Variants in SPAG9 observed in about 807,000 individuals in gnomAD.
The protein encoded by SPAG9 is C-Jun-amino-terminal kinase-interacting protein 4.
A neutral mutation model predicts 166.5 loss-of-function variants in SPAG9; 35 were observed. That is an observed-to-expected ratio of 0.21 (90% CI 0.16 to 0.28). The LOEUF is 0.28. Ranked by LOEUF, SPAG9 falls within the 10% of genes least tolerant of loss-of-function variation. The pLI, the probability that SPAG9 is intolerant of heterozygous loss-of-function variation, is 1.00. For missense variants in SPAG9, 1,235 were observed against 1,603.3 expected, an observed-to-expected ratio of 0.77 and a Z score of 3.92; for synonymous variants, 534 against 565.5, an observed-to-expected ratio of 0.94 and a Z score of 0.79.
At chr17:51,012,841 G>A (rs531032701) in intron 9 of SPAG9, among the ~76,000 whole-genome samples, 6 of 151,266 alleles carry the variant, frequency 4.0e-5, no homozygotes, top group East Asian at 2.0e-4. Context: ...TCTGCCTCCC[G>A]GGTTCAAGCC....
At chr17:51,054,549 G>T (rs1196427581) in intron 3 of SPAG9, among the ~76,000 whole-genome samples, 1 of 151,640 alleles carries the variant, frequency 6.6e-6, no homozygotes, top group African/African-American at 2.4e-5. Context: ...CCATTCTCCT[G>T]CCTCAGCCTC....
intron 19 of SPAG9, 87 bp from the exon 20 acceptor site, chr17:50,990,755 A>T: frequency 9.5e-7 from 1 of 1,051,730 alleles, no homozygotes; most frequent in Non-Finnish European, 1.4e-6. Flanking sequence ...TTGAAATGAG[A>T]GTTATGCAGG....
chr17:51,089,526 G>C (rs928571333), intron 1 of SPAG9, among the ~76,000 whole-genome samples: 2 of 146,586 alleles, frequency 1.4e-5, no homozygotes, highest in Non-Finnish European at 3.0e-5. Flanking sequence ...AAAACTACCT[G>C]TTCCCCAAAA....
At chr17:51,050,867 A>G (rs971379903) in intron 3 of SPAG9, among the ~76,000 whole-genome samples, 4 of 151,858 alleles carry the variant, frequency 2.6e-5, no homozygotes, top group Non-Finnish European at 4.4e-5. Flanking sequence ...GCAATTCTCA[A>G]TTTTCTCAGG....
At chr17:51,046,377 C>A (rs2047021301) in intron 4 of SPAG9, 2 of 662,544 alleles carry the variant, frequency 3.0e-6, no homozygotes, top group African/African-American at 3.6e-5. Flanking sequence ...AATCAAAAAT[C>A]CTAGCTTCAG....
chr17:51,000,867 C>T lies in SPAG9; in HGVS notation c.1607+848G>A, dbSNP rs1011595543. On this transcript the variant is annotated intron_variant, in intron 13 of 29. Coordinates refer to ENST00000262013, the MANE Select transcript of SPAG9 (RefSeq NM_001130528.3). ...ACTAAATACTGCAGTTAAGAACATA[C>T]ACTTTCTAGTGGGTTAGTTTCCTTG... Among the ~76,000 whole-genome samples, 74 of 152,150 alleles carry T rather than the reference C, an allele frequency of 4.9e-4. 1 individual carries two copies. The highest frequency in any genetic ancestry group is 4.1e-3 in the Admixed American group (63 of 15,280).
intron 1 of SPAG9, among the ~76,000 whole-genome samples, chr17:51,080,747 G>A (rs1432717148): frequency 1.3e-5 from 2 of 151,928 alleles, no homozygotes; most frequent in African/African-American, 4.8e-5. Context: ...TGGGCATGGT[G>A]GCACGTTCCT....
chr17:51,102,498 T>C (rs777729842), intron 1 of SPAG9, among the ~76,000 whole-genome samples: 26 of 151,958 alleles, frequency 1.7e-4, no homozygotes, highest in Non-Finnish European at 3.8e-4. Flanking sequence ...AATCTTCATT[T>C]GTATGGAAAT....
At chr17:50,986,297 C>T (rs1259624789) in intron 22 of SPAG9, among the ~76,000 whole-genome samples, 3 of 152,158 alleles carry the variant, frequency 2.0e-5, no homozygotes, top group African/African-American at 7.2e-5. Flanking sequence ...CTACAATGCC[C>T]ATAATGCTCT....
At chr17:51,052,115 C>G (rs377143540) in intron 3 of SPAG9, among the ~76,000 whole-genome samples, 1 of 152,112 alleles carries the variant, frequency 6.6e-6, no homozygotes, top group Admixed American at 6.5e-5. Flanking sequence ...TAAAAAGCCA[C>G]GGTAGGTTTC....
intron 1 of SPAG9, among the ~76,000 whole-genome samples, chr17:51,101,345 C>CAAAA (rs60896400): frequency 1.1e-5 from 1 of 91,998 alleles, no homozygotes; most frequent in South Asian, 3.7e-4. Flanking sequence ...GATTCTGTCT[C>CAAAA]AAAAAAAAAA....
At chr17:51,065,120 T>A (rs992306695) in intron 2 of SPAG9, among the ~76,000 whole-genome samples, 1 of 152,074 alleles carries the variant, frequency 6.6e-6, no homozygotes, top group African/African-American at 2.4e-5. Context: ...CAAAATTCCA[T>A]CTCAAAAAAT....
intron 26 of SPAG9, among the ~76,000 whole-genome samples, chr17:50,977,807 G>A (rs758934306): frequency 4.6e-5 from 7 of 152,180 alleles, no homozygotes; most frequent in South Asian, 4.2e-4. Flanking sequence ...TCACTTGAGC[G>A]CAGGAGTTTG....
At chr17:51,078,036 C>A (rs1844256556) in intron 2 of SPAG9, among the ~76,000 whole-genome samples, 1 of 152,060 alleles carries the variant, frequency 6.6e-6, no homozygotes, top group South Asian at 2.1e-4. Context: ...CTCAAGCAAT[C>A]CTCCCACCTT....
rs1375628913 is a variant in SPAG9 at position 51,104,289 on chromosome 17, CA to C, written c.303+16064del. 2.0e-5 allele frequency among the ~76,000 whole-genome samples: 3 copies of C among 152,268 alleles called. No homozygotes were observed. In the East Asian group the frequency reaches 5.8e-4, roughly 29 times the overall value. Reference sequence around the variant, plus strand: ...AGAGAAGGACCTTGTCTGTTTTACTCACCACTGTATGCCCAATGAGCACAGT... The same window carrying C: ...AGAGAAGGACCTTGTCTGTTTTACTCCCACTGTATGCCCAATGAGCACAGT... On this transcript the variant is annotated intron_variant, in intron 1 of 29. Coordinates refer to ENST00000262013, the MANE Select transcript of SPAG9 (RefSeq NM_001130528.3).
intron 1 of SPAG9, among the ~76,000 whole-genome samples, chr17:51,108,357 A>G (rs1162164149): frequency 3.3e-5 from 5 of 150,522 alleles, no homozygotes; most frequent in African/African-American, 1.2e-4. Context: ...ACTACACTCC[A>G]GCCTAGGTGA....
chr17:51,029,933 C>G (rs1026372975), intron 6 of SPAG9, among the ~76,000 whole-genome samples: 1 of 152,066 alleles, frequency 6.6e-6, no homozygotes, highest in African/African-American at 2.4e-5. Context: ...TTTTTTTCCT[C>G]CCTGTGGAGA....
chr17:51,053,700 T>C (rs1006513237), intron 3 of SPAG9, among the ~76,000 whole-genome samples: 18 of 147,292 alleles, frequency 1.2e-4, no homozygotes, highest in African/African-American at 3.7e-4. Context: ...AAAAAAAAAA[T>C]TGGCATGCAC....
At chr17:51,037,685 A>AGT (rs746475393) in intron 5 of SPAG9, among the ~76,000 whole-genome samples, 6,522 of 83,446 alleles carry the variant, frequency 0.078, 503 homozygotes, top group Non-Finnish European at 0.099. Context: ...ATATATATAT[A>AGT]GTGTGTGTGT....
Sources: gnomAD v4.1 joint callset for allele counts (sites outside exome capture counted in the v4.1 genomes callset) on GRCh38, gnomAD v4.1.1 for gene constraint, MANE v1.5 for transcripts, NCBI Gene and HGNC (gene_info 2026-07-23, HGNC 2026-07-21) for gene names.